The following ATP11A variants were observed in gnomAD, a reference collection of about 807,000 sequenced individuals.
The protein encoded by ATP11A is phospholipid-transporting ATPase IH.
Under a neutral mutation model 154.4 loss-of-function variants are expected in ATP11A, and 81 were observed. That is an observed-to-expected ratio of 0.52 (90% CI 0.44 to 0.63). The LOEUF is 0.63. ATP11A is among the 30% of genes least tolerant of loss of function. The pLI is 0.00. For synonymous variants in ATP11A, 623 were observed against 585.9 expected, an observed-to-expected ratio of 1.06 and a Z score of -0.91; for missense variants, 1,316 against 1,474.3, an observed-to-expected ratio of 0.89 and a Z score of 1.76.
At position 112,831,547 on chromosome 13, in the gene ATP11A, G is replaced by A. The variant is rs1353212560; in HGVS notation, c.1394G>A (p.Arg465Lys). 3 of 1,613,850 alleles carry A rather than the reference G, an allele frequency of 1.9e-6. No homozygotes were observed. The highest frequency in any genetic ancestry group is 2.5e-6 in the Non-Finnish European group (3 of 1,179,752). ...GACTCGTCCCCCAGCGTCAACGGGA[G>A]GGTAGGTGGCAGCCCCCACGCCGTC... The part of the protein sequence containing the change: ...MIDSSPSVNG[R>K]EREELFFRAL... The change falls in exon 13 of 30, where the codon AGG becomes AAG. Residue 465 changes from arginine to lysine, a missense_variant and splice_region_variant. Arg to Lys is a conservative substitution (Grantham distance 26). This residue lies in a region of ATP11A where 876 missense variants were observed against 1,006.8 expected (regional missense o/e 0.87). Transcript: ENST00000375645.
At chr13:112,860,591 G>A in intron 24 of ATP11A, 177 bp downstream of exon 24, 1 of 676,612 alleles carries the variant, frequency 1.5e-6, no homozygotes, top group East Asian at 2.8e-5. Flanking sequence ...TAGCTCAAAT[G>A]GAGATTCTTC....
At chr13:112,783,309 A>G (rs1303044658) in intron 1 of ATP11A, among the ~76,000 whole-genome samples, 3 of 152,162 alleles carry the variant, frequency 2.0e-5, no homozygotes, top group African/African-American at 7.2e-5. Flanking sequence ...TTAAAAAACG[A>G]GAGTTCCCTG....
intron 18 of ATP11A, among the ~76,000 whole-genome samples, chr13:112,853,307 C>T (rs2079828843): frequency 6.6e-6 from 1 of 151,926 alleles, no homozygotes; most frequent in South Asian, 2.1e-4. Flanking sequence ...TATATATATA[C>T]ACATACATAC....
chr13:112,858,015 C>G, intron 21 of ATP11A, 95 bp downstream of exon 21: 1 of 1,560,476 alleles, frequency 6.4e-7, no homozygotes, highest in East Asian at 2.3e-5. Context: ...ATTCAGGACA[C>G]CCCCGTCACC....
Position 112,859,319 on chromosome 13 carries a change from TG to T in ATP11A, c.2668-71del. ...CGTGGATCCCTCCTCCCATGTGGGGTGGGCCACGTCGGTAGGTGGCGGCTGC... is the reference window on the plus strand; with the variant it reads ...CGTGGATCCCTCCTCCCATGTGGGGTGGCCACGTCGGTAGGTGGCGGCTGC... On this transcript the variant is annotated intron_variant, in intron 22 of 29. Transcript: ENST00000375645. The surrounding 1 kb of genome is among the most constrained non-coding windows in gnomAD (Gnocchi z 4.3). 1.6e-6 allele frequency: 2 copies of T among 1,222,978 alleles called. No homozygotes were observed. The highest frequency in any genetic ancestry group is 2.4e-6 in the Non-Finnish European group (2 of 824,142). The allele number at this position is 1,222,978 out of a possible 1,614,324, so 75.8% of individuals were successfully genotyped here. A position where few individuals can be genotyped will look rare whatever the true frequency, so the allele number is the denominator to read the frequency against.
At chr13:112,810,475 G>A in intron 4 of ATP11A, 144 bp from the exon 5 acceptor site, 2 of 659,916 alleles carry the variant, frequency 3.0e-6, no homozygotes, top group Non-Finnish European at 5.3e-6. Context: ...TGTGTGTAGT[G>A]CATCCTCATG....
intron 2 of ATP11A, among the ~76,000 whole-genome samples, chr13:112,797,521 A>T (rs1419102750): frequency 6.6e-6 from 1 of 152,186 alleles, no homozygotes; most frequent in African/African-American, 2.4e-5. Flanking sequence ...ATCTTGAAAG[A>T]AGCCACAGGA....
Position 112,690,389 on chromosome 13 carries a change from C to CG in ATP11A, c.-26dup. On this transcript the variant is annotated 5_prime_UTR_variant, in exon 1 of 30. Coordinates refer to ENST00000375645, the MANE Select transcript of ATP11A (RefSeq NM_015205.3). The surrounding 1 kb of genome is among the most constrained non-coding windows in gnomAD (Gnocchi z 5.6). ...CCGAGCCGGGCGCGGGGGCGCTGAA[C>CG]GGCGGAGCGGGAGCGGCCGGAGGAG... is the stretch of plus-strand genomic sequence containing the variant. 1 of 1,278,920 alleles carries CG rather than the reference C, an allele frequency of 7.8e-7. No homozygotes were observed. Among genetic ancestry groups the CG allele is most frequent in the Non-Finnish European group, 9.9e-7 (1 of 1,013,224 alleles). 79.2% of individuals were successfully genotyped at this position (1,278,920 alleles called of 1,614,324 possible).
Position 112,796,652 on chromosome 13 carries a change from A to G in ATP11A, c.163-8305A>G, listed in dbSNP as rs75252156. On this transcript the variant is annotated intron_variant, in intron 2 of 29. Transcript: ENST00000375645. ...CAGAACAGTAAGGTAATAAATTTGCATTGTTTTAAGTCACAAAGTGGAATT... is the reference window on the plus strand; with the variant it reads ...CAGAACAGTAAGGTAATAAATTTGCGTTGTTTTAAGTCACAAAGTGGAATT... 6.1e-4 allele frequency among the ~76,000 whole-genome samples: 93 copies of G among 152,346 alleles called. No homozygotes were observed. In the East Asian group the frequency reaches 0.018, roughly 29 times the overall value.
Position 112,746,514 on chromosome 13 carries a change from C to T in ATP11A, c.40-38621C>T, listed in dbSNP as rs1462437905. Reference sequence around the variant, plus strand: ...GTCTAGTGTTTTGGTAGCAGCCATCCTGCTCCGTGTAGGTAGTATCTCATT... The same window carrying T: ...GTCTAGTGTTTTGGTAGCAGCCATCTTGCTCCGTGTAGGTAGTATCTCATT... On this transcript the variant is annotated intron_variant, in intron 1 of 29. Transcript: ENST00000375645. The surrounding 1 kb of genome is among the most constrained non-coding windows in gnomAD (Gnocchi z 4.1). 6.6e-6 allele frequency: 1 copy of T among 152,170 alleles called. No individual in the cohort carries two copies. Among genetic ancestry groups the T allele is most frequent in the Non-Finnish European group, 1.5e-5 (1 of 68,072 alleles). 9.4% of individuals were successfully genotyped at this position (152,170 alleles called of 1,614,324 possible). A position where few individuals can be genotyped will look rare whatever the true frequency, so the allele number is the denominator to read the frequency against.
intron 25 of ATP11A, among the ~76,000 whole-genome samples, chr13:112,869,940 G>A (rs774784956): frequency 8.5e-5 from 13 of 152,206 alleles, no homozygotes; most frequent in Non-Finnish European, 1.5e-4. Flanking sequence ...GTACATCCTC[G>A]TGGGCCACTG....
At chr13:112,803,121 G>A (rs2078183201) in intron 2 of ATP11A, among the ~76,000 whole-genome samples, 1 of 152,146 alleles carries the variant, frequency 6.6e-6, no homozygotes, top group African/African-American at 2.4e-5. Context: ...ATTGTGAAAG[G>A]TAAAATCACT....
chr13:112,694,849 T>C lies in ATP11A; in HGVS notation c.39+4394T>C, dbSNP rs1477132763. The stretch of plus-strand genomic sequence containing the variant: ...CAACACAAACTGTTATAAGTTTTTT[T>C]CTAAGAGAAAAATAAACATTTTTGC... On this transcript the variant is annotated intron_variant, in intron 1 of 29. Transcript: ENST00000375645. 7.2e-5 allele frequency among the ~76,000 whole-genome samples: 11 copies of C among 152,220 alleles called. No homozygotes were observed. The East Asian group carries it at 1.9e-3, about 27-fold the overall frequency.
chr13:112,834,771 C>A, intron 15 of ATP11A, 111 bp downstream of exon 15: 1 of 827,232 alleles, frequency 1.2e-6, no homozygotes, highest in Non-Finnish European at 2.0e-6. Context: ...TCCCACAATT[C>A]GCTTCCTCTC....
At chr13:112,784,493 T>C (rs2077573178) in intron 1 of ATP11A, among the ~76,000 whole-genome samples, 1 of 151,988 alleles carries the variant, frequency 6.6e-6, no homozygotes, top group Non-Finnish European at 1.5e-5. Flanking sequence ...TCTTCTGTTT[T>C]GGAAGCCTTA....
chr13:112,837,717 C>G (rs2079276545), intron 16 of ATP11A, among the ~76,000 whole-genome samples: 1 of 152,202 alleles, frequency 6.6e-6, no homozygotes, highest in South Asian at 2.1e-4. Context: ...CAGCATTTTC[C>G]TAAGATGTGC....
intron 1 of ATP11A, among the ~76,000 whole-genome samples, chr13:112,694,778 T>C (rs1885605371): frequency 6.6e-6 from 1 of 152,226 alleles, no homozygotes; most frequent in East Asian, 1.9e-4. Context: ...ATAGAAAACA[T>C]TGAAGGATCT....
At chr13:112,879,194 T>C (rs2080815490) in intron 29 of ATP11A, among the ~76,000 whole-genome samples, 1 of 152,264 alleles carries the variant, frequency 6.6e-6, no homozygotes, top group Non-Finnish European at 1.5e-5. Context: ...TATTACTGTT[T>C]TACCAAATGC....
intron 11 of ATP11A, among the ~76,000 whole-genome samples, chr13:112,826,451 A>T (rs1241347435): frequency 6.6e-6 from 1 of 152,090 alleles, no homozygotes; most frequent in African/African-American, 2.4e-5. Context: ...TCGTGATTTA[A>T]TCTCCACTTG....
Sources: allele counts gnomAD v4.1 joint callset (sites outside exome capture counted in the v4.1 genomes callset), GRCh38; gene constraint gnomAD v4.1.1; regional missense constraint gnomAD v4.1.1; non-coding constraint Gnocchi (gnomAD v3.1); transcripts MANE v1.5; gene names NCBI Gene and HGNC (gene_info 2026-07-23, HGNC 2026-07-21).